PRKACB: variants seen among roughly 807,000 people sequenced by gnomAD.
The protein encoded by PRKACB is protein kinase cAMP-activated catalytic subunit beta.
A neutral mutation model predicts 51.4 loss-of-function variants in PRKACB; 16 were observed. That is an observed-to-expected ratio of 0.31 (90% CI 0.21 to 0.47). The LOEUF is 0.47. Ranked by LOEUF, PRKACB falls within the 20% of genes least tolerant of loss-of-function variation. The probability of loss-of-function intolerance (pLI) is 1.00; values close to 1 mark genes in which losing one functional copy is unlikely to be tolerated. For missense variants in PRKACB, 309 were observed against 464.5 expected, an observed-to-expected ratio of 0.67 and a Z score of 3.08; for synonymous variants, 147 against 154.4, an observed-to-expected ratio of 0.95 and a Z score of 0.35.
At chr1:84,095,163 G>T (rs1488355087) in intron 1 of PRKACB, among the ~76,000 whole-genome samples, 2 of 151,496 alleles carry the variant, frequency 1.3e-5, no homozygotes, top group African/African-American at 4.8e-5. Flanking sequence ...GGCATTAAGT[G>T]ACACATGACT....
At chr1:84,080,199 A>G (rs943681737) in intron 1 of PRKACB, among the ~76,000 whole-genome samples, 10 of 152,172 alleles carry the variant, frequency 6.6e-5, no homozygotes, top group Admixed American at 3.3e-4. Context: ...TATATTTTGG[A>G]TAATGATAAT....
intron 9 of PRKACB, among the ~76,000 whole-genome samples, chr1:84,225,281 C>A (rs1227116264): frequency 6.6e-6 from 1 of 152,222 alleles, no homozygotes; most frequent in Non-Finnish European, 1.5e-5. Flanking sequence ...GCTGCAAGTA[C>A]CTGGCAGTCC....
At chr1:84,220,986 A>G (rs926026187) in intron 9 of PRKACB, among the ~76,000 whole-genome samples, 1 of 152,026 alleles carries the variant, frequency 6.6e-6, no homozygotes, top group African/African-American at 2.4e-5. Flanking sequence ...TCTCTTCTTT[A>G]ATTTTTTGGA....
At chr1:84,137,119 G>C (rs544007521) in intron 1 of PRKACB, among the ~76,000 whole-genome samples, 1 of 152,212 alleles carries the variant, frequency 6.6e-6, no homozygotes, top group Admixed American at 6.5e-5. Context: ...TGACCTGTGA[G>C]TCAATCAAAC....
chr1:84,153,949 A>ATT (rs1165870714), intron 1 of PRKACB, among the ~76,000 whole-genome samples: 2 of 152,008 alleles, frequency 1.3e-5, no homozygotes, highest in Admixed American at 1.3e-4. Context: ...CCTTCATATC[A>ATT]TTTTCCATAA....
chr1:84,192,258 A>G (rs1352345805), intron 5 of PRKACB, among the ~76,000 whole-genome samples: 2 of 152,158 alleles, frequency 1.3e-5, no homozygotes, highest in African/African-American at 2.4e-5. Flanking sequence ...ATATACTGGA[A>G]TAGACAAAGA....
chr1:84,217,015 G>GAA (rs1162585378), intron 9 of PRKACB, among the ~76,000 whole-genome samples: 1 of 152,186 alleles, frequency 6.6e-6, no homozygotes, highest in Non-Finnish European at 1.5e-5. Flanking sequence ...AAAAGAGAAT[G>GAA]AACTGTGGTG....
At chr1:84,081,578 T>C (rs1162627442) in intron 1 of PRKACB, among the ~76,000 whole-genome samples, 1 of 152,012 alleles carries the variant, frequency 6.6e-6, no homozygotes, top group Non-Finnish European at 1.5e-5. Context: ...TTTAGAAATA[T>C]GATAAAATTC....
At chr1:84,092,379 T>C (rs1174768493) in intron 1 of PRKACB, among the ~76,000 whole-genome samples, 1 of 152,192 alleles carries the variant, frequency 6.6e-6, no homozygotes, top group African/African-American at 2.4e-5. Context: ...ATATATATCA[T>C]TGTATAAGTA....
At chr1:84,231,324 A>G (rs537099692) in intron 9 of PRKACB, among the ~76,000 whole-genome samples, 80 of 152,062 alleles carry the variant, frequency 5.3e-4, no homozygotes, top group African/African-American at 1.7e-3. Flanking sequence ...TTGGTTTGCC[A>G]GTATTTTATT....
intron 9 of PRKACB, among the ~76,000 whole-genome samples, chr1:84,229,376 A>G (rs12069612): frequency 0.012 from 494 of 40,334 alleles, 2 homozygotes; most frequent in African/African-American, 0.018. Flanking sequence ...ATTGTGAATA[A>G]TGCCGCAATA....
chr1:84,184,258 C>A, intron 4 of PRKACB, 123 bp downstream of exon 4: 1 of 765,788 alleles, frequency 1.3e-6, no homozygotes, highest in Non-Finnish European at 1.9e-6. Flanking sequence ...ACGAATACCT[C>A]TAGAGTTTGT....
At chr1:84,162,759 T>A (rs1397704231) in intron 1 of PRKACB, among the ~76,000 whole-genome samples, 1 of 151,944 alleles carries the variant, frequency 6.6e-6, no homozygotes, top group Non-Finnish European at 1.5e-5. Flanking sequence ...TATTTTAAAG[T>A]CTTTAAAGCC....
At chr1:84,138,274 G>C (rs1436225075) in intron 1 of PRKACB, among the ~76,000 whole-genome samples, 1 of 152,108 alleles carries the variant, frequency 6.6e-6, no homozygotes, top group Non-Finnish European at 1.5e-5. Context: ...AAGGGACATA[G>C]GAGGAAGTTG....
chr1:84,225,220 C>T (rs1674390188), intron 9 of PRKACB, among the ~76,000 whole-genome samples: 1 of 152,208 alleles, frequency 6.6e-6, no homozygotes, highest in South Asian at 2.1e-4. Context: ...AGTCTGTCCT[C>T]ATGCCCCCAA....
chr1:84,134,247 G>A (rs1376253847), intron 1 of PRKACB, among the ~76,000 whole-genome samples: 2 of 152,130 alleles, frequency 1.3e-5, no homozygotes, highest in Non-Finnish European at 2.9e-5. Flanking sequence ...GGCAGGGCAG[G>A]CCATGGGTGG....
At chr1:84,105,252 A>G (rs1649641762) in intron 1 of PRKACB, among the ~76,000 whole-genome samples, 2 of 152,138 alleles carry the variant, frequency 1.3e-5, no homozygotes, top group South Asian at 2.1e-4. Flanking sequence ...ACAGAATACA[A>G]CTGCGGTCAC....
intron 7 of PRKACB, among the ~76,000 whole-genome samples, chr1:84,199,083 A>ATATGCGTATATATGCATATATGTATATC (rs1669193336): frequency 7.0e-6 from 1 of 141,854 alleles, no homozygotes; most frequent in African/African-American, 2.6e-5. Context: ...ATATGTATAT[A>ATATGCGTATATATGCATATATGTATATC]TATGCGTATA....
chr1:84,212,444 C>T (rs139238962), intron 8 of PRKACB, among the ~76,000 whole-genome samples: 229 of 147,362 alleles, frequency 1.6e-3, no homozygotes, highest in African/African-American at 5.8e-3. Flanking sequence ...TTAACTTCTA[C>T]TTTGAGAACA....
Sources: allele counts gnomAD v4.1 joint callset (sites outside exome capture counted in the v4.1 genomes callset), GRCh38; gene constraint gnomAD v4.1.1; transcripts MANE v1.5; gene names NCBI Gene and HGNC (gene_info 2026-07-23, HGNC 2026-07-21).